ZNF704: variants seen among roughly 807,000 people sequenced by gnomAD.
ZNF704 encodes zinc finger protein 704.
In ZNF704, 10 loss-of-function variants were observed where a neutral mutation model predicts 44.7. The observed-to-expected ratio is 0.22, with a 90% CI of 0.14 to 0.38. The LOEUF is 0.38. ZNF704 is among the 10% of genes least tolerant of loss of function. ZNF704 has a pLI of 1.00. For missense variants in ZNF704, 390 were observed against 545.5 expected, an observed-to-expected ratio of 0.71 and a Z score of 2.84; for synonymous variants, 211 against 207.6, an observed-to-expected ratio of 1.02 and a Z score of -0.14.
intron 2 of ZNF704, chr8:80,812,351 TC>T: frequency 5.3e-6 from 1 of 187,334 alleles, no homozygotes; most frequent in Non-Finnish European, 1.1e-5. Context: ...ACCACATCTC[TC>T]CCAGTTTTTT....
chr8:80,687,596 G>T, intron 3 of ZNF704, 138 bp from the exon 4 acceptor site: 1 of 622,428 alleles, frequency 1.6e-6, no homozygotes, highest in Non-Finnish European at 2.7e-6. Flanking sequence ...GGGTATGTAA[G>T]TTTTTGTTCT....
intron 2 of ZNF704, among the ~76,000 whole-genome samples, chr8:80,788,194 GAATAA>G (rs1233309754): frequency 4.6e-5 from 7 of 152,090 alleles, no homozygotes; most frequent in Non-Finnish European, 8.8e-5. Context: ...AAAACCAACA[GAATAA>G]AACTTCACTC....
At chr8:80,788,203 T>C (rs1807646347) in intron 2 of ZNF704, among the ~76,000 whole-genome samples, 2 of 152,176 alleles carry the variant, frequency 1.3e-5, no homozygotes, top group Non-Finnish European at 2.9e-5. Flanking sequence ...AGAATAAAAC[T>C]TCACTCATTT....
At chr8:80,828,528 G>A (rs963081025) in intron 1 of ZNF704, among the ~76,000 whole-genome samples, 2 of 152,140 alleles carry the variant, frequency 1.3e-5, no homozygotes, top group Non-Finnish European at 2.9e-5. Context: ...ATGGGCCTGT[G>A]ATACAATCCA....
At chr8:80,650,450 C>A (rs969196245) in intron 7 of ZNF704, among the ~76,000 whole-genome samples, 1 of 152,110 alleles carries the variant, frequency 6.6e-6, no homozygotes, top group African/African-American at 2.4e-5. Context: ...ACCAGAATAA[C>A]CAATGCAGAG....
chr8:80,671,099 T>G (rs1275413777), intron 4 of ZNF704, among the ~76,000 whole-genome samples: 1 of 152,084 alleles, frequency 6.6e-6, no homozygotes, highest in East Asian at 1.9e-4. Flanking sequence ...AGTACAAAAT[T>G]CCACCTCTTC....
At chr8:80,694,182 A>G (rs536685361) in intron 2 of ZNF704, 2 of 152,208 alleles carry the variant, frequency 1.3e-5, no homozygotes, top group Non-Finnish European at 2.9e-5. Flanking sequence ...AAAATTTTTT[A>G]AAACTACTTA....
At chr8:80,769,049 C>G (rs552069401) in intron 2 of ZNF704, among the ~76,000 whole-genome samples, 4 of 152,174 alleles carry the variant, frequency 2.6e-5, no homozygotes, top group Non-Finnish European at 5.9e-5. Context: ...TGTGGACCAA[C>G]AAAAATACTG....
intron 4 of ZNF704, among the ~76,000 whole-genome samples, chr8:80,672,781 G>A: frequency 6.6e-6 from 1 of 152,186 alleles, no homozygotes; most frequent in African/African-American, 2.4e-5. Context: ...TAGGGAGTGG[G>A]GTAAGTGTTG....
At chr8:80,647,823 G>A (rs1817856796) in intron 7 of ZNF704, among the ~76,000 whole-genome samples, 1 of 152,244 alleles carries the variant, frequency 6.6e-6, no homozygotes, top group Non-Finnish European at 1.5e-5. Flanking sequence ...CAGGGTCGGG[G>A]AGGCATGAGG....
chr8:80,690,615 C>G (rs924757736), intron 3 of ZNF704, among the ~76,000 whole-genome samples: 1 of 152,172 alleles, frequency 6.6e-6, no homozygotes, highest in Non-Finnish European at 1.5e-5. Context: ...AAAGGTAAAT[C>G]AGAGTACCCA....
At chr8:80,702,833 G>A (rs867727763) in intron 2 of ZNF704, among the ~76,000 whole-genome samples, 3 of 152,226 alleles carry the variant, frequency 2.0e-5, no homozygotes, top group South Asian at 4.2e-4. Context: ...TCGCTGGATC[G>A]GAAATGGCGA....
At chr8:80,796,527 C>T (rs946690102) in intron 2 of ZNF704, among the ~76,000 whole-genome samples, 136 of 152,322 alleles carry the variant, frequency 8.9e-4, no homozygotes, top group Non-Finnish European at 1.5e-4. Flanking sequence ...ATGCCCTCCC[C>T]GCAAATAAAC....
Position 80,809,143 on chromosome 8 carries a change from T to C in ZNF704, c.221+12231A>G, listed in dbSNP as rs192988705. 6.6e-5 allele frequency among the ~76,000 whole-genome samples: 10 copies of C among 152,210 alleles called. No homozygotes were observed. The East Asian group carries it at 1.7e-3, about 26-fold the overall frequency. The stretch of plus-strand genomic sequence containing the variant: ...CCTGTCCTACTACAAACACAAAAGT[T>C]AGCCAGGCGTGGTGGCATACACCTG... On this transcript the variant is annotated intron_variant, in intron 2 of 8. Transcript: ENST00000327835.
chr8:80,787,949 A>G (rs1455467986), intron 2 of ZNF704, among the ~76,000 whole-genome samples: 1 of 152,190 alleles, frequency 6.6e-6, no homozygotes, highest in African/African-American at 2.4e-5. Context: ...TTTCTTTGCC[A>G]TATTGTAGCC....
intron 2 of ZNF704, among the ~76,000 whole-genome samples, chr8:80,741,311 C>T (rs1017454258): frequency 3.3e-5 from 5 of 152,116 alleles, no homozygotes; most frequent in East Asian, 1.9e-4. Context: ...AGCTTGCCAA[C>T]GGGGCAAGAC....
In ZNF704 at chr8:80,647,991, G is replaced by A. The variant is rs561115461; in HGVS notation, c.1033-4862C>T. On this transcript the variant is annotated intron_variant, in intron 7 of 8. Coordinates refer to ENST00000327835, the MANE Select transcript of ZNF704 (RefSeq NM_001033723.3). ...GAGGCTGGAAAGTCCAAGGTTGAGG[G>A]GCCGGCATGTGACAACGGCCTTCTC... is the stretch of plus-strand genomic sequence containing the variant. Among the ~76,000 whole-genome samples the A allele has an allele frequency of 4.6e-5, 7 of 152,238 alleles. No individual in the cohort carries two copies. The East Asian group carries it at 1.2e-3, about 25-fold the overall frequency.
intron 4 of ZNF704, among the ~76,000 whole-genome samples, chr8:80,675,337 T>C (rs1223344794): frequency 6.6e-6 from 1 of 152,170 alleles, no homozygotes; most frequent in Non-Finnish European, 1.5e-5. Flanking sequence ...AGTGATTTGT[T>C]TGAGATAAAG....
chr8:80,745,318 A>G (rs933925643), intron 2 of ZNF704, among the ~76,000 whole-genome samples: 4 of 152,162 alleles, frequency 2.6e-5, no homozygotes, highest in African/African-American at 9.7e-5. Context: ...ATCGTTGGCT[A>G]TATTAAGCTT....
Sources: gnomAD v4.1 joint callset for allele counts (sites outside exome capture counted in the v4.1 genomes callset) on GRCh38, gnomAD v4.1.1 for gene constraint, MANE v1.5 for transcripts, NCBI Gene and HGNC (gene_info 2026-07-23, HGNC 2026-07-21) for gene names.